SAMD5: variants seen among roughly 807,000 people sequenced by gnomAD.
SAMD5 encodes the protein sterile alpha motif domain-containing protein 5.
Under a neutral mutation model 11.3 loss-of-function variants are expected in SAMD5, and 13 were observed. The observed-to-expected ratio is 1.15, with a 90% CI of 0.75 to 1.83. SAMD5 has a LOEUF of 1.83. Among genes scored for constraint, SAMD5 ranks in the 40% most tolerant of loss-of-function variants. The pLI, the probability that SAMD5 is intolerant of heterozygous loss-of-function variation, is 0.00. For missense variants in SAMD5, 255 were observed against 239.1 expected (o/e 1.07, Z -0.44); for synonymous variants, 129 against 111.3 (o/e 1.16, Z -1.00).
At chr6:147,774,982 G>T in the SAMD5 span, among the ~76,000 whole-genome samples, 4 of 152,130 alleles carry the variant, frequency 2.6e-5, no homozygotes, top group Non-Finnish European at 5.9e-5. Flanking sequence ...TATGGAAGAA[G>T]GCCCAAAATG....
chr6:147,796,424 A>G, the SAMD5 span, among the ~76,000 whole-genome samples: 35 of 151,976 alleles, frequency 2.3e-4, no homozygotes, highest in Non-Finnish European at 4.3e-4. Flanking sequence ...CCATTGATCT[A>G]TATCTCTGTT....
chr6:147,938,112 G>A, the SAMD5 span, among the ~76,000 whole-genome samples: 1 of 152,234 alleles, frequency 6.6e-6, no homozygotes, highest in Non-Finnish European at 1.5e-5. Context: ...GGAGATACTG[G>A]CTTAAAGTAG....
the SAMD5 span, among the ~76,000 whole-genome samples, chr6:147,836,125 C>T: frequency 1.3e-5 from 2 of 152,174 alleles, no homozygotes; most frequent in Non-Finnish European, 2.9e-5. Context: ...ATCCCACCTC[C>T]CAACCCCAGT....
intron 1 of SAMD5, among the ~76,000 whole-genome samples, chr6:147,735,107 C>A (rs1791776340): frequency 6.6e-6 from 1 of 152,116 alleles, no homozygotes; most frequent in African/African-American, 2.4e-5. Flanking sequence ...GAAATGAAAG[C>A]CTGTTGTTTA....
chr6:147,606,847 C>A (rs1252080629), intron 1 of SAMD5, among the ~76,000 whole-genome samples: 4 of 151,092 alleles, frequency 2.6e-5, no homozygotes, highest in Admixed American at 6.6e-5. Flanking sequence ...TGAAGTCAGA[C>A]AAATCCAGGC....
chr6:147,628,150 T>G (rs1408711151), intron 1 of SAMD5, among the ~76,000 whole-genome samples: 1 of 152,176 alleles, frequency 6.6e-6, no homozygotes, highest in Non-Finnish European at 1.5e-5. Context: ...GTTTCTGTAA[T>G]CCAGTCACAG....
intron 1 of SAMD5, among the ~76,000 whole-genome samples, chr6:147,733,296 A>G (rs1301647711): frequency 6.6e-6 from 1 of 152,214 alleles, no homozygotes; most frequent in African/African-American, 2.4e-5. Flanking sequence ...ATGTTTGTTT[A>G]GTAACAGGAT....
chr6:147,516,640 C>T (rs1460870499), intron 1 of SAMD5, among the ~76,000 whole-genome samples: 1 of 152,206 alleles, frequency 6.6e-6, no homozygotes, highest in Non-Finnish European at 1.5e-5. Flanking sequence ...AAGGTGCTGT[C>T]AGGGTCTTTC....
chr6:147,566,598 G>A lies in SAMD5; in HGVS notation c.*2142G>A, dbSNP rs930319704. On this transcript the variant is annotated 3_prime_UTR_variant, in exon 2 of 2. Transcript: ENST00000367474. ...TCATTTCAAGTTTTATTTTCTATTA[G>A]AGTAATATCTAACTTCAATTATTTT... 14 of 979,484 alleles carry A rather than the reference G, an allele frequency of 1.4e-5. No individual in the cohort carries two copies. The highest frequency in any genetic ancestry group is 1.6e-5 in the Non-Finnish European group (13 of 824,298). The allele number at this position is 979,484 out of a possible 1,614,324, so 60.7% of individuals were successfully genotyped here.
At chr6:147,755,530 A>G in the SAMD5 span, among the ~76,000 whole-genome samples, 2 of 152,086 alleles carry the variant, frequency 1.3e-5, no homozygotes, top group Non-Finnish European at 2.9e-5. Flanking sequence ...TTTTCTGTAC[A>G]GATATGAAAG....
the SAMD5 span, among the ~76,000 whole-genome samples, chr6:147,909,564 CTT>C: frequency 7.2e-5 from 2 of 27,810 alleles, no homozygotes; most frequent in Non-Finnish European, 1.3e-4. Context: ...CATCTTTTTT[CTT>C]TCTTTCTTTC....
At chr6:147,612,028 T>A (rs1231612055) in intron 1 of SAMD5, among the ~76,000 whole-genome samples, 2 of 152,228 alleles carry the variant, frequency 1.3e-5, no homozygotes, top group Non-Finnish European at 2.9e-5. Flanking sequence ...ATATATGCCT[T>A]TAGTCATCTA....
At chr6:147,646,971 CTAATAATAATAATAATAATAA>C (rs5880722) in intron 1 of SAMD5, among the ~76,000 whole-genome samples, 13 of 138,084 alleles carry the variant, frequency 9.4e-5, no homozygotes, top group Admixed American at 2.9e-4. Context: ...AACCTCATCT[CTAATAATAATAATAATAATAA>C]TAATAATAAT....
chr6:147,546,700 A>G (rs182358772), intron 1 of SAMD5, among the ~76,000 whole-genome samples: 1 of 152,326 alleles, frequency 6.6e-6, no homozygotes, highest in Non-Finnish European at 1.5e-5. Flanking sequence ...GCATTAGATG[A>G]ATACAGAGTT....
At chr6:147,661,749 C>T (rs1211444408) in intron 1 of SAMD5, among the ~76,000 whole-genome samples, 1 of 152,182 alleles carries the variant, frequency 6.6e-6, no homozygotes. Flanking sequence ...CCTGCCTCAG[C>T]CTCCTGAGTA....
chr6:147,824,737 A>G, the SAMD5 span, among the ~76,000 whole-genome samples: 1 of 152,228 alleles, frequency 6.6e-6, no homozygotes. Flanking sequence ...AATTTTACTT[A>G]CATACAATAA....
At chr6:147,904,411 A>G in the SAMD5 span, among the ~76,000 whole-genome samples, 1 of 152,234 alleles carries the variant, frequency 6.6e-6, no homozygotes, top group Non-Finnish European at 1.5e-5. Flanking sequence ...TGGCAGAGCC[A>G]GTGCCTAGCC....
chr6:147,731,146 T>C (rs1381349106), intron 1 of SAMD5, among the ~76,000 whole-genome samples: 2 of 152,156 alleles, frequency 1.3e-5, no homozygotes, highest in Non-Finnish European at 2.9e-5. Flanking sequence ...AAGTGATTTG[T>C]TCTCCATCAC....
At chr6:147,562,994 G>A (rs1788978541) in intron 1 of SAMD5, among the ~76,000 whole-genome samples, 1 of 152,208 alleles carries the variant, frequency 6.6e-6, no homozygotes, top group Non-Finnish European at 1.5e-5. Flanking sequence ...AACAAGAGCT[G>A]ATGTTTAATA....
Sources: allele counts gnomAD v4.1 joint callset (sites outside exome capture counted in the v4.1 genomes callset), GRCh38; gene constraint gnomAD v4.1.1; transcripts MANE v1.5; gene names NCBI Gene and HGNC (gene_info 2026-07-23, HGNC 2026-07-21).